USP34: variants seen among roughly 807,000 people sequenced by gnomAD.
The protein encoded by USP34 is ubiquitin specific peptidase 34.
Under a neutral mutation model 460.3 loss-of-function variants are expected in USP34, and 70 were observed. The observed-to-expected ratio is 0.15, with a 90% CI of 0.13 to 0.19. The LOEUF is 0.19. Among genes scored for constraint, USP34 ranks in the 10% least tolerant of loss-of-function variants. USP34 has a pLI of 1.00. For synonymous variants in USP34, 1,647 were observed against 1,405.3 expected (o/e 1.17, Z -3.85); for missense variants, 3,985 against 4,236.2 (o/e 0.94, Z 1.65).
intron 41 of USP34, 135 bp from the exon 42 acceptor site, chr2:61,266,302 G>T: frequency 1.3e-6 from 1 of 793,850 alleles, no homozygotes; most frequent in Non-Finnish European, 1.9e-6. Context: ...ACCATCATCT[G>T]AAAGTCCTCC....
chr2:61,443,091 T>C (rs1244355266), intron 1 of USP34, among the ~76,000 whole-genome samples: 1 of 152,120 alleles, frequency 6.6e-6, no homozygotes, highest in African/African-American at 2.4e-5. Context: ...AAGGTTCATC[T>C]CATGTAAGTA....
chr2:61,260,326 A>C (rs759365362), intron 43 of USP34, among the ~76,000 whole-genome samples: 4 of 152,212 alleles, frequency 2.6e-5, no homozygotes, highest in Non-Finnish European at 5.9e-5. Flanking sequence ...TTAGTATTGA[A>C]CACCAAGCCT....
intron 5 of USP34, among the ~76,000 whole-genome samples, chr2:61,392,391 A>G (rs886113733): frequency 1.3e-5 from 2 of 152,162 alleles, no homozygotes; most frequent in African/African-American, 4.8e-5. Context: ...TGGGAGGCCG[A>G]GGTGGGCGGA....
chr2:61,348,130 C>T lies in USP34; in HGVS notation c.2025G>A (p.Leu675=), dbSNP rs1428221636. ...ATGGCAATGATTCAGTGTTAAAAAC[C>T]AGGTCCTTTCCTGTTCCGCTGCTTG... ...NGTSSGTGKD[L]VFNTESLPSV... Residue 675 remains leucine (L), a synonymous_variant, in exon 15 of 80, where the codon CTG becomes CTA. Coordinates refer to ENST00000398571, the MANE Select transcript of USP34 (RefSeq NM_014709.4). The T allele has an allele frequency of 6.2e-7, 1 of 1,614,222 alleles. No individual in the cohort carries two copies. Among genetic ancestry groups the T allele is most frequent in the South Asian group, 1.1e-5 (1 of 91,084 alleles).
intron 78 of USP34, chr2:61,190,055 T>C (rs1686584673): frequency 2.2e-6 from 1 of 464,862 alleles, no homozygotes; most frequent in Admixed American, 4.0e-5. Flanking sequence ...CCTTTCAGCA[T>C]TTAATGATAC....
intron 29 of USP34, among the ~76,000 whole-genome samples, chr2:61,299,412 T>C (rs2103636671): frequency 6.6e-6 from 1 of 152,298 alleles, no homozygotes; most frequent in South Asian, 2.1e-4. Context: ...AGTTAGTGGA[T>C]TGAATATGGC....
intron 57 of USP34, among the ~76,000 whole-genome samples, chr2:61,233,667 G>GA (rs1272197317): frequency 6.6e-6 from 1 of 151,494 alleles, no homozygotes; most frequent in Non-Finnish European, 1.5e-5. Flanking sequence ...TATAAAAAAA[G>GA]AAAAAAAATT....
At chr2:61,450,575 A>G (rs147699660) in intron 1 of USP34, among the ~76,000 whole-genome samples, 2,228 of 152,262 alleles carry the variant, frequency 0.015, 43 homozygotes, top group African/African-American at 0.05. Flanking sequence ...CAGCCCGGCC[A>G]ACATGGTGAA....
chr2:61,403,039 G>A (rs572317745), intron 3 of USP34, among the ~76,000 whole-genome samples: 4 of 152,022 alleles, frequency 2.6e-5, no homozygotes, highest in East Asian at 1.9e-4. Flanking sequence ...CAACTATTAC[G>A]AAAAGAAAAT....
At chr2:61,216,649 T>C (rs1468557873) in intron 67 of USP34, among the ~76,000 whole-genome samples, 1 of 151,504 alleles carries the variant, frequency 6.6e-6, no homozygotes, top group African/African-American at 2.4e-5. Context: ...CTGGGTACGG[T>C]GACTCATGCC....
intron 23 of USP34, among the ~76,000 whole-genome samples, chr2:61,315,985 A>G (rs1690731980): frequency 6.7e-6 from 1 of 150,270 alleles, no homozygotes; most frequent in Non-Finnish European, 1.5e-5. Context: ...AGACTGCCTG[A>G]GCTCAGGAGT....
intron 1 of USP34, among the ~76,000 whole-genome samples, chr2:61,429,210 G>A (rs1295546574): frequency 1.3e-5 from 2 of 152,082 alleles, no homozygotes; most frequent in Non-Finnish European, 2.9e-5. Flanking sequence ...CACTTTGGGA[G>A]GCCGAGGCAG....
intron 10 of USP34, among the ~76,000 whole-genome samples, chr2:61,364,126 C>T (rs189566199): frequency 2.0e-5 from 3 of 152,166 alleles, no homozygotes; most frequent in Admixed American, 2.0e-4. Context: ...CTAAAATCCC[C>T]GCACTTTGGG....
chr2:61,330,767 C>T (rs541764300), intron 20 of USP34, among the ~76,000 whole-genome samples: 1 of 150,782 alleles, frequency 6.6e-6, no homozygotes, highest in Non-Finnish European at 1.5e-5. Flanking sequence ...TCCCAAATCA[C>T]TTGAATATAT....
At position 61,348,044 on chromosome 2, in the gene USP34, T is replaced by C. The variant is rs753366017; in HGVS notation, c.2111A>G (p.Asp704Gly). ...AGTAGCATTCATTTCCCCTGAAATA[T>C]CATGTTCTGGGTCTTCAGAGTGTGA... ...ACSHSEDPEHDISGEMNATHI... is the reference protein window; with the variant it reads ...ACSHSEDPEHGISGEMNATHI... The change falls in exon 15 of 80, where the codon GAT becomes GGT. Residue 704 changes from aspartate (D) to glycine (G), a missense_variant. Around this residue, in one of 14 missense-constraint regions of USP34, gnomAD observed 716 missense variants for 626.2 expected, o/e 1.14. Transcript: ENST00000398571. The C allele has an allele frequency of 1.9e-6, 3 of 1,614,184 alleles. No individual in the cohort carries two copies. Among genetic ancestry groups the C allele is most frequent in the Non-Finnish European group, 2.5e-6 (3 of 1,180,006 alleles).
intron 53 of USP34, among the ~76,000 whole-genome samples, chr2:61,238,390 C>T (rs1221565654): frequency 1.3e-5 from 2 of 152,174 alleles, no homozygotes; most frequent in Admixed American, 1.3e-4. Flanking sequence ...CTCTAACTCT[C>T]AAGTTTCAGT....
chr2:61,218,123 C>A (rs1337226399), intron 67 of USP34, among the ~76,000 whole-genome samples: 1 of 151,240 alleles, frequency 6.6e-6, no homozygotes, highest in Non-Finnish European at 1.5e-5. Context: ...CAGTATTAGG[C>A]ATAATAGCTG....
At chr2:61,394,349 G>C (rs1049427229) in intron 5 of USP34, among the ~76,000 whole-genome samples, 1 of 151,746 alleles carries the variant, frequency 6.6e-6, no homozygotes, top group Non-Finnish European at 1.5e-5. Flanking sequence ...ATCCCAGGAA[G>C]ATCAAGTTTA....
At chr2:61,304,996 C>A (rs1208159567) in intron 27 of USP34, among the ~76,000 whole-genome samples, 1 of 152,198 alleles carries the variant, frequency 6.6e-6, no homozygotes, top group South Asian at 2.1e-4. Context: ...CGTCATTTTT[C>A]CCCTTTACAA....
Sources: gnomAD v4.1 joint callset for allele counts (sites outside exome capture counted in the v4.1 genomes callset) on GRCh38, gnomAD v4.1.1 for gene constraint, gnomAD v4.1.1 regional missense constraint, MANE v1.5 for transcripts, NCBI Gene and HGNC (gene_info 2026-07-23, HGNC 2026-07-21) for gene names.